The following DCLK1 variants were observed in gnomAD, a reference collection of about 807,000 sequenced individuals.
DCLK1 encodes the protein doublecortin like kinase 1, also known as serine/threonine-protein kinase DCLK1.
In DCLK1, 16 loss-of-function variants were observed where a neutral mutation model predicts 86.2. The ratio of observed to expected loss-of-function variants is 0.19; its 90% CI spans 0.13 to 0.28. The LOEUF (loss-of-function observed/expected upper bound fraction) is 0.28, where lower values mean the gene tolerates loss of function less well. Ranked by LOEUF, DCLK1 falls within the 10% of genes least tolerant of loss-of-function variation. The pLI is 1.00. For missense variants in DCLK1, 590 were observed against 940.2 expected (o/e 0.63, Z 4.87); for synonymous variants, 369 against 370.5 (o/e 1.00, Z 0.05).
At chr13:35,924,631 C>G (rs934234047) in intron 4 of DCLK1, among the ~76,000 whole-genome samples, 1 of 152,096 alleles carries the variant, frequency 6.6e-6, no homozygotes, top group African/African-American at 2.4e-5. Context: ...GCCTGGGTGA[C>G]AGAGCAAGAC....
intron 16 of DCLK1, among the ~76,000 whole-genome samples, chr13:35,783,714 T>C (rs577446207): frequency 6.6e-6 from 1 of 152,132 alleles, no homozygotes; most frequent in Non-Finnish European, 1.5e-5. Context: ...CCTCCTGAGT[T>C]GCTGGGATTA....
At chr13:35,936,962 C>CTTGTTTTTTTTTTTTTTT (rs1876786683) in intron 4 of DCLK1, among the ~76,000 whole-genome samples, 1 of 65,712 alleles carries the variant, frequency 1.5e-5, no homozygotes, top group Non-Finnish European at 3.0e-5. Context: ...GAAAAGTTAG[C>CTTGTTTTTTTTTTTTTTT]TTTTTTTTTT....
At chr13:35,936,179 T>C (rs1437708492) in intron 4 of DCLK1, among the ~76,000 whole-genome samples, 1 of 151,988 alleles carries the variant, frequency 6.6e-6, no homozygotes, top group African/African-American at 2.4e-5. Flanking sequence ...AAATGTCAAA[T>C]GCTACCAAGA....
intron 4 of DCLK1, among the ~76,000 whole-genome samples, chr13:35,936,648 T>C (rs1173439586): frequency 6.6e-6 from 1 of 152,232 alleles, no homozygotes; most frequent in African/African-American, 2.4e-5. Flanking sequence ...CTGGTATTTA[T>C]GTGTTTGACT....
At chr13:35,873,333 G>A (rs1020420917) in intron 4 of DCLK1, among the ~76,000 whole-genome samples, 1 of 151,630 alleles carries the variant, frequency 6.6e-6, no homozygotes, top group East Asian at 1.9e-4. Flanking sequence ...AGTTCAAAGA[G>A]AACTTCTTAA....
At chr13:35,796,237 G>T (rs1156469793) in intron 15 of DCLK1, among the ~76,000 whole-genome samples, 1 of 152,126 alleles carries the variant, frequency 6.6e-6, no homozygotes, top group Non-Finnish European at 1.5e-5. Context: ...CGGGCAAAAT[G>T]ATCAAATGAG....
In DCLK1 at chr13:36,013,947, C is replaced by G. The variant is rs554078048; in HGVS notation, c.724-66490G>C. ...ATCTCGTGGTGCGCTGTTTTTTAAG[C>G]CGGTCTGAAAAGCACAATATTCGCC... On this transcript the variant is annotated intron_variant, in intron 3 of 16. Coordinates refer to ENST00000360631, the MANE Select transcript of DCLK1 (RefSeq NM_001330071.2). Among the ~76,000 whole-genome samples the G allele has an allele frequency of 3.9e-5, 6 of 152,304 alleles. No individual in the cohort carries two copies. The South Asian group carries it at 1.0e-3, about 26-fold the overall frequency.
At position 36,067,545 on chromosome 13, in the gene DCLK1, A is replaced by G. The variant is rs543812693; in HGVS notation, c.723+44324T>C. The stretch of plus-strand genomic sequence containing the variant: ...GCACATTGTGCACATGTACCCTAAA[A>G]CTTAAAGTATAATAATAATAAAATT... On this transcript the variant is annotated intron_variant, in intron 3 of 16. Coordinates refer to ENST00000360631, the MANE Select transcript of DCLK1 (RefSeq NM_001330071.2). 1.5e-4 allele frequency among the ~76,000 whole-genome samples: 22 copies of G among 151,586 alleles called. No homozygotes were observed. The East Asian group carries it at 4.3e-3, about 29-fold the overall frequency.
intron 4 of DCLK1, among the ~76,000 whole-genome samples, chr13:35,918,594 C>T (rs895495638): frequency 3.9e-5 from 6 of 152,168 alleles, no homozygotes; most frequent in African/African-American, 1.2e-4. Flanking sequence ...GGTCTTTGTT[C>T]GATCATTCAA....
At chr13:35,912,432 A>C (rs1008316515) in intron 4 of DCLK1, among the ~76,000 whole-genome samples, 1 of 152,116 alleles carries the variant, frequency 6.6e-6, no homozygotes, top group Non-Finnish European at 1.5e-5. Flanking sequence ...CTGTGCCTAT[A>C]AAGACCCCAG....
chr13:35,993,700 T>C (rs1042581289), intron 3 of DCLK1, among the ~76,000 whole-genome samples: 4 of 152,148 alleles, frequency 2.6e-5, no homozygotes, highest in Admixed American at 2.0e-4. Flanking sequence ...AAGATTTACA[T>C]ACATGAGGAA....
intron 3 of DCLK1, among the ~76,000 whole-genome samples, chr13:36,064,668 A>G (rs1883684194): frequency 6.6e-6 from 1 of 151,604 alleles, no homozygotes; most frequent in South Asian, 2.1e-4. Context: ...TTAAAAAAAA[A>G]AAAGAAAGAA....
At chr13:35,966,825 G>A (rs1188527409) in intron 3 of DCLK1, among the ~76,000 whole-genome samples, 15 of 151,960 alleles carry the variant, frequency 9.9e-5, no homozygotes, top group Non-Finnish European at 1.6e-4. Flanking sequence ...GCCCAGGCTG[G>A]AGTGCAGTGG....
chr13:35,967,517 T>A (rs570634627), intron 3 of DCLK1, among the ~76,000 whole-genome samples: 1 of 152,368 alleles, frequency 6.6e-6, no homozygotes, highest in South Asian at 2.1e-4. Context: ...TGTTAATCTA[T>A]AACCTTACCC....
intron 16 of DCLK1, among the ~76,000 whole-genome samples, chr13:35,778,600 T>C (rs758943507): frequency 2.0e-5 from 3 of 152,108 alleles, no homozygotes; most frequent in African/African-American, 2.4e-5. Context: ...ACCCCATCAA[T>C]AGGACATGGT....
intron 3 of DCLK1, among the ~76,000 whole-genome samples, chr13:36,041,066 G>A (rs377623292): frequency 2.3e-4 from 35 of 152,068 alleles, no homozygotes; most frequent in African/African-American, 8.5e-4. Flanking sequence ...TTTCATTGGA[G>A]AATGGTATTA....
rs1253995741 is a variant in DCLK1 at position 35,774,567 on chromosome 13, C to T, written c.2191G>A (p.Glu731Lys). The T allele has an allele frequency of 1.9e-5, 30 of 1,560,980 alleles. No homozygotes were observed. The highest frequency in any genetic ancestry group is 1.5e-5 in the Non-Finnish European group (17 of 1,151,388). Residue 731 changes from glutamate (E) to lysine (K), a missense_variant, in exon 17 of 17, where the codon GAG becomes AAG. Physicochemically the swap from Glu to Lys is moderately conservative, Grantham distance 56. Transcript: ENST00000360631. ...GGCGAGTTAGGGGAGCGAACAGTCT[C>T]GGAGGAGCTTGGGGAGTAGTCTTCC... ...ESEDYSPSSS[E>K]TVRSPNSPF
chr13:36,130,948 C>T (rs1341642924), intron 1 of DCLK1, among the ~76,000 whole-genome samples, 166 bp downstream of exon 1: 2 of 151,854 alleles, frequency 1.3e-5, no homozygotes, highest in South Asian at 2.1e-4. Flanking sequence ...CCAGGCTGGC[C>T]AGGGCAGGGC....
intron 2 of DCLK1, among the ~76,000 whole-genome samples, chr13:36,118,621 A>C (rs1489547690): frequency 6.6e-6 from 1 of 152,152 alleles, no homozygotes; most frequent in Non-Finnish European, 1.5e-5. Context: ...GGAGAAGAGA[A>C]AACAAGTTGG....
Sources: gnomAD v4.1 joint callset for allele counts (sites outside exome capture counted in the v4.1 genomes callset) on GRCh38, gnomAD v4.1.1 for gene constraint, MANE v1.5 for transcripts, NCBI Gene and HGNC (gene_info 2026-07-23, HGNC 2026-07-21) for gene names.